BIN1: variants seen among roughly 807,000 people sequenced by gnomAD.
BIN1 encodes the protein bridging integrator 1.
In BIN1, 53 loss-of-function variants were observed where a neutral mutation model predicts 82.0. The ratio of observed to expected loss-of-function variants is 0.65; its 90% CI spans 0.52 to 0.81. The LOEUF (loss-of-function observed/expected upper bound fraction) is 0.81, where lower values mean the gene tolerates loss of function less well. Among genes scored for constraint, BIN1 ranks in the 40% least tolerant of loss-of-function variants. The probability of loss-of-function intolerance (pLI) is 0.00; values close to 1 mark genes in which losing one functional copy is unlikely to be tolerated. For synonymous variants in BIN1, 302 were observed against 328.0 expected (o/e 0.92, Z 0.86); for missense variants, 642 against 784.4 (o/e 0.82, Z 2.17).
rs1236958885 is a variant in BIN1 at position 127,059,158 on chromosome 2, G to A, written c.858-3C>T. Reference sequence around the variant, plus strand: ...TCCCTTTTGCAGGCGCGTTGTCACTGTGGGGGAGGACAAGAAAGGGAGCCC... The same window carrying A: ...TCCCTTTTGCAGGCGCGTTGTCACTATGGGGGAGGACAAGAAAGGGAGCCC... On this transcript the variant is annotated splice_polypyrimidine_tract_variant and splice_region_variant and intron_variant, in intron 10 of 18. Transcript: ENST00000316724. The surrounding 1 kb of genome is among the most constrained non-coding windows in gnomAD (Gnocchi z 6.7). The A allele has an allele frequency of 6.4e-7, 1 of 1,572,040 alleles. No homozygotes were observed. Among genetic ancestry groups the A allele is most frequent in the Non-Finnish European group, 8.6e-7 (1 of 1,159,004 alleles).
At chr2:127,102,040 G>T (rs1015389391) in intron 1 of BIN1, among the ~76,000 whole-genome samples, 12 of 152,296 alleles carry the variant, frequency 7.9e-5, no homozygotes, top group African/African-American at 2.9e-4. Context: ...ACCTGCCTGG[G>T]GCTTTACTTC....
chr2:127,068,895 C>T lies in BIN1; in HGVS notation c.519+29G>A, dbSNP rs747379860. Reference sequence around the variant, plus strand: ...CCGCCCTCTCTCAGCCCCCTGCAGACGCTGCCCCGACCCGCCTCCAGCCCT... The same window carrying T: ...CCGCCCTCTCTCAGCCCCCTGCAGATGCTGCCCCGACCCGCCTCCAGCCCT... On this transcript the variant is annotated intron_variant, in intron 6 of 18. Transcript: ENST00000316724. The surrounding 1 kb of genome is among the most constrained non-coding windows in gnomAD (Gnocchi z 4.9). 12 of 1,596,398 alleles carry T rather than the reference C, an allele frequency of 7.5e-6. No individual in the cohort carries two copies. Among genetic ancestry groups the T allele is most frequent in the Middle Eastern group, 1.7e-4 (1 of 6,042 alleles).
intron 1 of BIN1, among the ~76,000 whole-genome samples, chr2:127,106,601 A>G (rs2105376252): frequency 6.6e-6 from 1 of 152,172 alleles, no homozygotes; most frequent in South Asian, 2.1e-4. Flanking sequence ...TGTGCAGCCG[A>G]GCCACGAAGG....
At chr2:127,105,408 C>T (rs886734261) in intron 1 of BIN1, among the ~76,000 whole-genome samples, 3 of 151,934 alleles carry the variant, frequency 2.0e-5, no homozygotes, top group African/African-American at 4.8e-5. Flanking sequence ...GCTGCCACCC[C>T]CCCACCCCAC....
chr2:127,053,530 C>T (rs1178093071), intron 13 of BIN1, 85 bp from the exon 14 acceptor site: 74 of 1,546,534 alleles, frequency 4.8e-5, no homozygotes, highest in Admixed American at 9.3e-5. Flanking sequence ...ACCCTACCCC[C>T]GCTCGCCCCA....
chr2:127,059,012 T>C lies in BIN1; in HGVS notation c.1001A>G (p.Gln334Arg), dbSNP rs1319208341. The change falls in exon 11 of 19, where the codon CAG becomes CGG. Residue 334 changes from glutamine to arginine, a missense_variant and splice_region_variant. Transcript: ENST00000316724. The surrounding 1 kb of genome is among the most constrained non-coding windows in gnomAD (Gnocchi z 6.7). Reference sequence around the variant, plus strand: ...CTGCTACCAAGACATCACTCCTACCTGAGATGGGGACTTGGGGAGGGTGGC... The same window carrying C: ...CTGCTACCAAGACATCACTCCTACCCGAGATGGGGACTTGGGGAGGGTGGC... ...PGATLPKSPS[Q>R]LRKGPPVPPP... The C allele has an allele frequency of 6.4e-7, 1 of 1,556,772 alleles. No homozygotes were observed. The highest frequency in any genetic ancestry group is 1.4e-5 in the African/African-American group (1 of 73,132).
Position 127,048,204 on chromosome 2 carries a change from T to C in BIN1, c.*322A>G. 2.5e-6 allele frequency: 1 copy of C among 401,122 alleles called. No homozygotes were observed. The highest frequency in any genetic ancestry group is 4.7e-6 in the Non-Finnish European group (1 of 213,720). The allele number at this position is 401,122 out of a possible 1,614,324, so 24.8% of individuals were successfully genotyped here. On this transcript the variant is annotated 3_prime_UTR_variant, in exon 19 of 19. Coordinates refer to ENST00000316724, the MANE Select transcript of BIN1 (RefSeq NM_139343.3). ...CTTGCCCGGGTGGCGCGGCCGAAGC[T>C]TCAGGCAAGCATGGTGGCTCGGCAG...
Position 127,070,834 on chromosome 2 carries a change from AGGACCAGGTCAG to A in BIN1, c.166-30_166-19del. On this transcript the variant is annotated intron_variant, in intron 2 of 18. Transcript: ENST00000316724. ...CCCTCCGTCTGCAAAGAGAAGGACA[AGGACCAGGTCAG>A]GGACTGGTGGCACACCCAGTCCCTG... 3 of 1,609,748 alleles carry A rather than the reference AGGACCAGGTCAG, an allele frequency of 1.9e-6. No homozygotes were observed. The highest frequency in any genetic ancestry group is 2.5e-6 in the Non-Finnish European group (3 of 1,179,000).
intron 14 of BIN1, chr2:127,052,650 C>T (rs1304975919): frequency 1.1e-5 from 5 of 468,072 alleles, no homozygotes; most frequent in South Asian, 2.4e-5. Context: ...TTCTGGCTTC[C>T]TCCAGAGGGA....
rs188477025 is a variant in BIN1, at chr2:127,068,645, G to A, written c.519+279C>T. Among the ~76,000 whole-genome samples, 17 of 152,264 alleles carry A rather than the reference G, an allele frequency of 1.1e-4. No homozygotes were observed. Among genetic ancestry groups the A allele is most frequent in the East Asian group, 3.9e-4 (2 of 5,152 alleles). On this transcript the variant is annotated intron_variant, in intron 6 of 18. Transcript: ENST00000316724. This position sits in a 1 kb window ranked among gnomAD's most constrained non-coding sequence, Gnocchi z 4.9. ...CCGGCTCGCCAGGCAGGGCGGCGCC[G>A]TTCCAGGGAAACCCAGGAGGCCCAT...
At chr2:127,069,163 G>T in intron 5 of BIN1, 132 bp from the exon 6 acceptor site, 5 of 796,590 alleles carry the variant, frequency 6.3e-6, no homozygotes, top group Admixed American at 4.5e-5. Context: ...AGCCCTTGTT[G>T]CTGGAACCCT....
In BIN1 at chr2:127,050,498, C is replaced by T. The variant is rs1428531749; in HGVS notation, c.1597G>A (p.Ala533Thr). 3 of 1,614,216 alleles carry T rather than the reference C, an allele frequency of 1.9e-6. No homozygotes were observed. The highest frequency in any genetic ancestry group is 1.1e-5 in the South Asian group (1 of 91,090). Residue 533 changes from alanine (A) to threonine (T), a missense_variant, in exon 18 of 19, where the codon GCC (alanine) becomes ACC (threonine). Ala to Thr is a moderately conservative substitution (Grantham distance 58). Coordinates refer to ENST00000316724, the MANE Select transcript of BIN1 (RefSeq NM_139343.3). ...FKVQAQHDYT[A>T]TDTDELQLKA... ...AGCTGCAGCTCGTCTGTGTCAGTGG[C>T]CGTGTAGTCGTGCTGGGCCTGTACC...
chr2:127,060,145 C>G (rs1684247208), intron 10 of BIN1, among the ~76,000 whole-genome samples: 1 of 152,202 alleles, frequency 6.6e-6, no homozygotes, highest in Non-Finnish European at 1.5e-5. Flanking sequence ...AGAGATGTCG[C>G]TGACACCATC....
intron 15 of BIN1, 23 bp from the exon 16 acceptor site, chr2:127,051,266 G>C (rs745904469): frequency 6.2e-7 from 1 of 1,612,636 alleles, no homozygotes; most frequent in African/African-American, 1.3e-5. Context: ...TGCCGGCTTG[G>C]GGTCAGACAC....
At position 127,067,040 on chromosome 2, in the gene BIN1, C is replaced by T. The variant is rs1409002729; in HGVS notation, c.612+1123G>A. Among the ~76,000 whole-genome samples the T allele has an allele frequency of 6.7e-6, 1 of 149,262 alleles. No individual in the cohort carries two copies. Among genetic ancestry groups the T allele is most frequent in the African/African-American group, 2.5e-5 (1 of 40,312 alleles). On this transcript the variant is annotated intron_variant, in intron 7 of 18. Coordinates refer to ENST00000316724, the MANE Select transcript of BIN1 (RefSeq NM_139343.3). The surrounding 1 kb of genome is among the most constrained non-coding windows in gnomAD (Gnocchi z 4.7). Reference sequence around the variant, plus strand: ...GAGTCATGATCACACCACTGCACTCCAGCCAGGGGAACGGAGAGAAACCCG... The same window carrying T: ...GAGTCATGATCACACCACTGCACTCTAGCCAGGGGAACGGAGAGAAACCCG...
chr2:127,075,670 A>ACTC (rs1227660038), intron 2 of BIN1, among the ~76,000 whole-genome samples: 1 of 151,178 alleles, frequency 6.6e-6, no homozygotes, highest in Non-Finnish European at 1.5e-5. Flanking sequence ...CTCTCCCAGA[A>ACTC]TGCTCCCAGC....
intron 1 of BIN1, among the ~76,000 whole-genome samples, chr2:127,106,176 G>A (rs2105373030): frequency 6.6e-6 from 1 of 152,336 alleles, no homozygotes; most frequent in East Asian, 1.9e-4. Context: ...CTCCCCGGCC[G>A]CCGGAAACGC....
chr2:127,065,949 C>G lies in BIN1; in HGVS notation c.613-1931G>C, dbSNP rs148416064. On this transcript the variant is annotated intron_variant, in intron 7 of 18. Transcript: ENST00000316724. ...TGAGGAGAGAGTGCCCCCACCCCAG[C>G]TCCACTGAAGCTAACAGTGGGGAAG... 7.6e-3 allele frequency among the ~76,000 whole-genome samples: 1,165 copies of G among 152,326 alleles called. 12 individuals are homozygous for G. The highest frequency in any genetic ancestry group is 0.025 in the African/African-American group (1,048 of 41,566).
At chr2:127,064,152 G>A in intron 7 of BIN1, 134 bp from the exon 8 acceptor site, 2 of 1,001,314 alleles carry the variant, frequency 2.0e-6, no homozygotes, top group Non-Finnish European at 3.1e-6. Flanking sequence ...GACAGAGGCT[G>A]AACTGGATGT....
Sources: gnomAD v4.1 joint callset for allele counts (sites outside exome capture counted in the v4.1 genomes callset) on GRCh38, gnomAD v4.1.1 for gene constraint, Gnocchi (gnomAD v3.1) non-coding constraint, MANE v1.5 for transcripts, NCBI Gene and HGNC (gene_info 2026-07-23, HGNC 2026-07-21) for gene names.